The following NCK2 variants were observed in gnomAD, a reference collection of about 807,000 sequenced individuals.
The protein encoded by NCK2 is NCK adaptor protein 2, also known as cytoplasmic protein NCK2.
A neutral mutation model predicts 33.9 loss-of-function variants in NCK2; 16 were observed. The observed-to-expected ratio is 0.47, with a 90% confidence interval of 0.32 to 0.72. The LOEUF is 0.72. Among genes scored for constraint, NCK2 ranks in the 30% least tolerant of loss-of-function variants. NCK2 has a pLI of 0.03. For synonymous variants in NCK2, 273 were observed against 239.9 expected (o/e 1.14, Z -1.27); for missense variants, 418 against 537.3 (o/e 0.78, Z 2.19).
intron 4 of NCK2, among the ~76,000 whole-genome samples, chr2:105,889,352 G>T (rs1573255570): frequency 1.3e-5 from 2 of 152,198 alleles, no homozygotes; most frequent in Non-Finnish European, 2.9e-5. Flanking sequence ...CCCATAAATG[G>T]CATTCCCATC....
chr2:105,780,432 G>A (rs747364824), intron 1 of NCK2, among the ~76,000 whole-genome samples: 5 of 151,922 alleles, frequency 3.3e-5, no homozygotes, highest in Non-Finnish European at 5.9e-5. Context: ...TGGTATCTGG[G>A]TTAAAATTCT....
chr2:105,815,757 C>T (rs1407409400), intron 1 of NCK2, among the ~76,000 whole-genome samples: 1 of 152,186 alleles, frequency 6.6e-6, no homozygotes, highest in Admixed American at 6.5e-5. Context: ...ATGGCTGGTG[C>T]AACAGACCTC....
At chr2:105,827,924 T>C (rs1676015489) in intron 2 of NCK2, among the ~76,000 whole-genome samples, 1 of 152,108 alleles carries the variant, frequency 6.6e-6, no homozygotes, top group Admixed American at 6.5e-5. Context: ...CATGATGAAA[T>C]GACAGAACCA....
Position 105,860,126 on chromosome 2 carries a change from A to C in NCK2, c.226+4837A>C, listed in dbSNP as rs1055002047. Among the ~76,000 whole-genome samples, 8 of 152,100 alleles carry C rather than the reference A, an allele frequency of 5.3e-5. 1 individual carries two copies. In the South Asian group the frequency reaches 6.2e-4, roughly 12 times the overall value. ...ATAGCAAGACTTCATCTCTACAAAAAAATTTTTTAAAAAATAGAGCATGGT... is the reference window on the plus strand; with the variant it reads ...ATAGCAAGACTTCATCTCTACAAAACAATTTTTTAAAAAATAGAGCATGGT... On this transcript the variant is annotated intron_variant, in intron 3 of 4. Coordinates refer to ENST00000233154, the MANE Select transcript of NCK2 (RefSeq NM_003581.5).
chr2:105,776,566 G>A (rs1430591911), intron 1 of NCK2, among the ~76,000 whole-genome samples: 1 of 152,144 alleles, frequency 6.6e-6, no homozygotes, highest in African/African-American at 2.4e-5. Flanking sequence ...CCTGGCAGGG[G>A]ACCTCTATGA....
At position 105,803,551 on chromosome 2, in the gene NCK2, C is replaced by T. The variant is rs150221753; in HGVS notation, c.-200-12879C>T. 2.4e-3 allele frequency among the ~76,000 whole-genome samples: 359 copies of T among 152,318 alleles called. 3 individuals are homozygous for T. Among genetic ancestry groups the T allele is most frequent in the African/African-American group, 8.2e-3 (341 of 41,566 alleles). On this transcript the variant is annotated intron_variant, in intron 1 of 4. Transcript: ENST00000233154. ...CCTAGTTTCTGAGGTTAATTAGCAG[C>T]CTTCAATTTCTACAGCTAGGAAAGT...
chr2:105,746,962 A>AG (rs1046943892), intron 1 of NCK2, among the ~76,000 whole-genome samples: 2 of 152,134 alleles, frequency 1.3e-5, no homozygotes, highest in South Asian at 2.1e-4. Flanking sequence ...ATAAACATTC[A>AG]GGGGGGTTGG....
intron 2 of NCK2, among the ~76,000 whole-genome samples, chr2:105,841,469 G>A (rs1169339896): frequency 2.0e-5 from 3 of 152,182 alleles, no homozygotes; most frequent in Non-Finnish European, 2.9e-5. Flanking sequence ...GAGCTTCCAT[G>A]CCTTCTCCAG....
chr2:105,759,742 C>T (rs13031598), intron 1 of NCK2, among the ~76,000 whole-genome samples: 41,625 of 152,088 alleles, frequency 0.27, 5,999 homozygotes, highest in Middle Eastern at 0.37. Flanking sequence ...GTCTCCGTAG[C>T]GCCTCTGATC....
chr2:105,857,344 G>A (rs886519352), intron 3 of NCK2, among the ~76,000 whole-genome samples: 7 of 152,250 alleles, frequency 4.6e-5, no homozygotes, highest in African/African-American at 9.6e-5. Flanking sequence ...GCCCGCGCCC[G>A]TCCCCGACAG....
intron 3 of NCK2, among the ~76,000 whole-genome samples, chr2:105,877,429 C>T (rs562408573): frequency 7.2e-4 from 109 of 152,288 alleles, no homozygotes; most frequent in Middle Eastern, 6.8e-3. Flanking sequence ...CAACTTGGTC[C>T]CATTGACGTC....
In NCK2 at chr2:105,845,591, C is replaced by T. The variant is rs114426572; in HGVS notation, c.-16-9457C>T. On this transcript the variant is annotated intron_variant, in intron 2 of 4. Transcript: ENST00000233154. Reference sequence around the variant, plus strand: ...TGTATTTTTAGTAGAGGTGAGGTTTCAAATGTTGGCCAGGCTGGTCTCGAA... The same window carrying T: ...TGTATTTTTAGTAGAGGTGAGGTTTTAAATGTTGGCCAGGCTGGTCTCGAA... 1.7e-3 allele frequency among the ~76,000 whole-genome samples: 258 copies of T among 152,036 alleles called. 2 individuals carry two copies. Among genetic ancestry groups the T allele is most frequent in the African/African-American group, 6.0e-3 (249 of 41,462 alleles).
chr2:105,797,376 G>C lies in NCK2; in HGVS notation c.-200-19054G>C, dbSNP rs574920589. 5.9e-5 allele frequency among the ~76,000 whole-genome samples: 9 copies of C among 152,330 alleles called. No homozygotes were observed. The East Asian group carries it at 1.7e-3, about 29-fold the overall frequency. ...AACTCACAGTTCTAGGACCGGAAGA[G>C]ACTGCCAGCCATGCGGTTCCATATT... On this transcript the variant is annotated intron_variant, in intron 1 of 4. Transcript: ENST00000233154.
chr2:105,886,311 C>G (rs1558888055), intron 4 of NCK2, among the ~76,000 whole-genome samples: 1 of 152,242 alleles, frequency 6.6e-6, no homozygotes, highest in Non-Finnish European at 1.5e-5. Flanking sequence ...GTGCTCATCA[C>G]CTGATTCTGA....
chr2:105,806,238 CT>C lies in NCK2; in HGVS notation c.-200-10175del, dbSNP rs56141591. On this transcript the variant is annotated intron_variant, in intron 1 of 4. Transcript: ENST00000233154. ...ATATCACACATATCACATTTTCTTT[CT>C]TTTTTTTTTTTTTTTTGAGACAGAG... is the stretch of plus-strand genomic sequence containing the variant. Among the ~76,000 whole-genome samples, 1,249 of 135,914 alleles carry C rather than the reference CT, an allele frequency of 9.2e-3. 9 individuals are homozygous for C. Among genetic ancestry groups the C allele is most frequent in the African/African-American group, 0.034 (1,154 of 34,038 alleles). The allele number at this position is 135,914 out of a possible 152,430, so 89.2% of individuals were successfully genotyped here.
chr2:105,877,078 C>T (rs1037813148), intron 3 of NCK2, among the ~76,000 whole-genome samples: 3 of 152,146 alleles, frequency 2.0e-5, no homozygotes, highest in Admixed American at 6.5e-5. Flanking sequence ...CGCTGAGTCC[C>T]CTAAGCCTGC....
chr2:105,861,357 A>T (rs924861117), intron 3 of NCK2, among the ~76,000 whole-genome samples: 6 of 152,154 alleles, frequency 3.9e-5, no homozygotes, highest in Admixed American at 2.6e-4. Context: ...TTGTGAAAGG[A>T]AGTCTGGCTC....
At chr2:105,772,443 C>T (rs2104383537) in intron 1 of NCK2, among the ~76,000 whole-genome samples, 1 of 152,168 alleles carries the variant, frequency 6.6e-6, no homozygotes, top group East Asian at 1.9e-4. Context: ...TTCACTTTAG[C>T]CCACCTGATG....
intron 1 of NCK2, among the ~76,000 whole-genome samples, chr2:105,799,998 A>G (rs1337107911): frequency 6.6e-6 from 1 of 152,232 alleles, no homozygotes; most frequent in Non-Finnish European, 1.5e-5. Flanking sequence ...GCTTCTGGTA[A>G]TAAGGAAATC....
Sources: allele counts gnomAD v4.1 joint callset (sites outside exome capture counted in the v4.1 genomes callset), GRCh38; gene constraint gnomAD v4.1.1; transcripts MANE v1.5; gene names NCBI Gene and HGNC (gene_info 2026-07-23, HGNC 2026-07-21).